The following SLC35F4 variants were observed in gnomAD, a reference collection of about 807,000 sequenced individuals.
SLC35F4 encodes the protein chromosome 14 open reading frame 36.
A neutral mutation model predicts 44.2 loss-of-function variants in SLC35F4; 24 were observed. That is an observed-to-expected ratio of 0.54 (90% confidence interval 0.39 to 0.76). SLC35F4 has a LOEUF of 0.76. Among genes scored for constraint, SLC35F4 ranks in the 30% least tolerant of loss-of-function variants. The pLI is 0.00. For synonymous variants in SLC35F4, 238 were observed against 223.6 expected (o/e 1.06, Z -0.57); for missense variants, 562 against 586.1 (o/e 0.96, Z 0.42).
intron 1 of SLC35F4, among the ~76,000 whole-genome samples, chr14:57,787,801 C>A (rs144573282): frequency 9.2e-5 from 14 of 152,146 alleles, no homozygotes; most frequent in African/African-American, 3.4e-4. Context: ...CAAAACAGAA[C>A]CTCTTTAAAG....
At chr14:57,979,370 C>G (rs1333173914) in intron 1 of SLC35F4, among the ~76,000 whole-genome samples, 4 of 152,150 alleles carry the variant, frequency 2.6e-5, no homozygotes, top group Non-Finnish European at 5.9e-5. Context: ...ATGAGTAATG[C>G]AAGAGGTGGA....
intron 1 of SLC35F4, among the ~76,000 whole-genome samples, chr14:57,891,498 A>G (rs1888763031): frequency 6.6e-6 from 1 of 152,140 alleles, no homozygotes; most frequent in Non-Finnish European, 1.5e-5. Context: ...ATATATTTGG[A>G]AAAGCACTCT....
chr14:57,812,680 C>T (rs1041229334), intron 1 of SLC35F4, among the ~76,000 whole-genome samples: 1 of 152,044 alleles, frequency 6.6e-6, no homozygotes, highest in Non-Finnish European at 1.5e-5. Context: ...TTGTTAACCT[C>T]AGCATCATCA....
chr14:57,720,051 C>T (rs1724939129), intron 1 of SLC35F4, among the ~76,000 whole-genome samples: 2 of 152,174 alleles, frequency 1.3e-5, no homozygotes, highest in Non-Finnish European at 2.9e-5. Flanking sequence ...GCTTTATCAG[C>T]AACAGTTGAA....
At chr14:57,597,470 G>T (rs2070559956) in intron 1 of SLC35F4, among the ~76,000 whole-genome samples, 1 of 152,228 alleles carries the variant, frequency 6.6e-6, no homozygotes, top group African/African-American at 2.4e-5. Flanking sequence ...GGCAGGTATT[G>T]TGTCAGGACC....
chr14:57,643,343 C>T (rs1475665754), intron 1 of SLC35F4, among the ~76,000 whole-genome samples: 2 of 151,956 alleles, frequency 1.3e-5, no homozygotes, highest in African/African-American at 2.4e-5. Flanking sequence ...GATAAACTGA[C>T]ATTAAGTAAG....
chr14:57,867,611 C>CA (rs1888207344), upstream of SLC35F4, among the ~76,000 whole-genome samples: 1 of 151,462 alleles, frequency 6.6e-6, no homozygotes, highest in Non-Finnish European at 1.5e-5. Context: ...CACCCCCCCC[C>CA]ACGTGAAATA....
chr14:57,846,971 G>A (rs1886085768), intron 1 of SLC35F4, among the ~76,000 whole-genome samples: 1 of 152,244 alleles, frequency 6.6e-6, no homozygotes, highest in South Asian at 2.1e-4. Flanking sequence ...GCACTCTGCA[G>A]ATAGTCCTGG....
intron 1 of SLC35F4, among the ~76,000 whole-genome samples, chr14:57,949,656 G>C (rs534257381): frequency 2.6e-5 from 4 of 151,998 alleles, no homozygotes. Flanking sequence ...TTCTATTTTG[G>C]TGTACTCTGA....
Position 57,759,246 on chromosome 14 carries a change from C to T in SLC35F4, c.103+106477G>A, listed in dbSNP as rs945434398. ...ATTTCAGTTATTTTGGTTATATACC[C>T]AGAAGTGTAACTGCTGGATCATATG... On this transcript the variant is annotated intron_variant, in intron 1 of 7. Transcript: ENST00000556826. 9.2e-5 allele frequency among the ~76,000 whole-genome samples: 14 copies of T among 152,174 alleles called. No individual in the cohort carries two copies. In the East Asian group the frequency reaches 2.5e-3, roughly 27 times the overall value.
At chr14:57,683,818 T>C (rs1264308022) in intron 1 of SLC35F4, among the ~76,000 whole-genome samples, 1 of 152,108 alleles carries the variant, frequency 6.6e-6, no homozygotes, top group Non-Finnish European at 1.5e-5. Context: ...AAAGGGGCTA[T>C]GGGCTGCCTC....
At chr14:57,888,100 A>G (rs1212610459) in intron 1 of SLC35F4, among the ~76,000 whole-genome samples, 7 of 152,130 alleles carry the variant, frequency 4.6e-5, no homozygotes, top group Admixed American at 3.9e-4. Flanking sequence ...CATTAACTCC[A>G]CTGTAGACAG....
At chr14:57,797,816 C>T (rs752314401) in intron 1 of SLC35F4, among the ~76,000 whole-genome samples, 4 of 152,044 alleles carry the variant, frequency 2.6e-5, no homozygotes, top group Non-Finnish European at 5.9e-5. Context: ...ATATCCTTGC[C>T]ATATATCTTG....
intron 1 of SLC35F4, among the ~76,000 whole-genome samples, chr14:57,832,829 T>C (rs1266676556): frequency 6.6e-6 from 1 of 152,198 alleles, no homozygotes; most frequent in East Asian, 1.9e-4. Flanking sequence ...TGTGTAAAAT[T>C]ACACTCACTG....
intron 1 of SLC35F4, among the ~76,000 whole-genome samples, chr14:57,944,715 GAA>G (rs1181724717): frequency 2.1e-5 from 2 of 96,928 alleles, no homozygotes; most frequent in Admixed American, 1.2e-4. Flanking sequence ...AAGAAAGAAA[GAA>G]AGAAAGAAAG....
At chr14:57,651,682 C>G (rs953659252) in intron 1 of SLC35F4, among the ~76,000 whole-genome samples, 16 of 152,126 alleles carry the variant, frequency 1.1e-4, no homozygotes, top group Non-Finnish European at 1.9e-4. Context: ...ATTCAAGCTC[C>G]ATGGCTGCGG....
chr14:57,873,415 T>C (rs573365800), intron 1 of SLC35F4, among the ~76,000 whole-genome samples: 7 of 152,198 alleles, frequency 4.6e-5, no homozygotes, highest in Non-Finnish European at 1.0e-4. Flanking sequence ...TCAACTCAAA[T>C]GTCCCAAAAA....
chr14:57,835,962 A>G (rs909820186), intron 1 of SLC35F4, among the ~76,000 whole-genome samples: 59 of 152,352 alleles, frequency 3.9e-4, no homozygotes, highest in African/African-American at 1.4e-3. Context: ...ACATTTGGGA[A>G]ACATTCCAAG....
chr14:57,857,357 A>G (rs1320908217), intron 1 of SLC35F4, among the ~76,000 whole-genome samples: 1 of 152,108 alleles, frequency 6.6e-6, no homozygotes, highest in Admixed American at 6.5e-5. Context: ...TGCAGAAGTT[A>G]CAACCAGGCA....
Sources: gnomAD v4.1 joint callset for allele counts (sites outside exome capture counted in the v4.1 genomes callset) on GRCh38, gnomAD v4.1.1 for gene constraint, MANE v1.5 for transcripts, NCBI Gene and HGNC (gene_info 2026-07-23, HGNC 2026-07-21) for gene names.